The following KLHDC7A variants were observed in gnomAD, a reference collection of about 807,000 sequenced individuals.
KLHDC7A encodes the protein kelch domain-containing protein 7A.
For synonymous variants in KLHDC7A, 464 were observed against 461.0 expected (o/e 1.01, Z -0.08); for missense variants, 1,123 against 1,052.6 (o/e 1.07, Z -0.93).
Position 18,482,044 on chromosome 1 carries a change from C to T in KLHDC7A, c.1063C>T (p.Pro355Ser). 5 of 1,612,638 alleles carry T rather than the reference C, an allele frequency of 3.1e-6. No individual in the cohort carries two copies. Among genetic ancestry groups the T allele is most frequent in the Non-Finnish European group, 3.4e-6 (4 of 1,179,832 alleles). ...CGCCTCCCCGCAGACAGGGCCGTGG[C>T]CCTCCACCCGAGGCTTCAGCCGGAA... ...RAASPQTGPW[P>S]STRGFSRKES... is the part of the protein sequence containing the mutation. Residue 355 changes from proline to serine, a missense_variant, in exon 1 of 1, where the codon CCC (proline) becomes TCC (serine). Physicochemically the swap from Pro to Ser is moderately conservative, Grantham distance 74. Coordinates refer to ENST00000400664, the MANE Select transcript of KLHDC7A (RefSeq NM_152375.3).
In KLHDC7A at chr1:18,483,232, C is replaced by A. The variant is rs745924222; in HGVS notation, c.2251C>A (p.Arg751=). Residue 751 remains arginine (R), a synonymous_variant, in exon 1 of 1, where the codon CGG becomes AGG. Transcript: ENST00000400664. The part of the protein sequence containing the change: ...VSPRFVPKEL[R]SFPAPQGTLL... ...ACCCAGGTTTGTGCCCAAGGAGCTG[C>A]GGAGTTTCCCGGCCCCGCAGGGCAC... 6.2e-7 allele frequency: 1 copy of A among 1,613,980 alleles called. No homozygotes were observed. Among genetic ancestry groups the A allele is most frequent in the Admixed American group, 1.7e-5 (1 of 60,036 alleles).
chr1:18,483,922 C>A lies in KLHDC7A; in HGVS notation c.*607C>A. On this transcript the variant is annotated 3_prime_UTR_variant, in exon 1 of 1. Coordinates refer to ENST00000400664, the MANE Select transcript of KLHDC7A (RefSeq NM_152375.3). Reference sequence around the variant, plus strand: ...AAAAGTAGAACAGCTGAAGCTGGGGCCAGCCTAGGAGACTCTTGCTTGCGA... The same window carrying A: ...AAAAGTAGAACAGCTGAAGCTGGGGACAGCCTAGGAGACTCTTGCTTGCGA... 2 of 1,303,478 alleles carry A rather than the reference C, an allele frequency of 1.5e-6. No individual in the cohort carries two copies. Among genetic ancestry groups the A allele is most frequent in the South Asian group, 1.2e-5 (1 of 80,900 alleles). 80.7% of individuals were successfully genotyped at this position (1,303,478 alleles called of 1,614,324 possible).
rs1364577836 is a variant in KLHDC7A, at chr1:18,481,947, G to T, written c.966G>T (p.Pro322=). Residue 322 remains proline, a synonymous_variant, in exon 1 of 1, where the codon CCG becomes CCT. Transcript: ENST00000400664. ...CTGAGGTTCCATCCCCTAGGCCACC[G>T]CCAGGGTCCCTGGGAACAGGGGCTG... is the stretch of plus-strand genomic sequence containing the variant. ...ALTEVPSPRP[P]PGSLGTGAAS... 2 of 1,613,082 alleles carry T rather than the reference G, an allele frequency of 1.2e-6. No homozygotes were observed. Among genetic ancestry groups the T allele is most frequent in the Non-Finnish European group, 1.7e-6 (2 of 1,179,994 alleles).
Position 18,481,362 on chromosome 1 carries a change from C to G in KLHDC7A, c.381C>G (p.Gly127=), listed in dbSNP as rs1394705826. Residue 127 remains glycine (G), a synonymous_variant, in exon 1 of 1, where the codon GGC becomes GGG. Transcript: ENST00000400664. Reference sequence around the variant, plus strand: ...GAAAAGGCTCAGGTGAGGAGCGGGGCGGGCAGGGCTCGGACTCTGAGCAGG... The same window carrying G: ...GAAAAGGCTCAGGTGAGGAGCGGGGGGGGCAGGGCTCGGACTCTGAGCAGG... The part of the protein sequence containing the change: ...PQRKGSGEER[G]GQGSDSEQVP... 2 of 1,606,594 alleles carry G rather than the reference C, an allele frequency of 1.2e-6. No homozygotes were observed. The highest frequency in any genetic ancestry group is 2.7e-5 in the African/African-American group (2 of 74,812).
chr1:18,484,095 T>A lies in KLHDC7A; in HGVS notation c.*780T>A. The A allele has an allele frequency of 8.4e-7, 1 of 1,191,714 alleles. No homozygotes were observed. The highest frequency in any genetic ancestry group is 1.1e-6 in the Non-Finnish European group (1 of 886,602). 73.8% of individuals were successfully genotyped at this position (1,191,714 alleles called of 1,614,324 possible). A position where few individuals can be genotyped will look rare whatever the true frequency, so the allele number is the denominator to read the frequency against. ...AAACTATGTGATCCAAGGGCCACCC[T>A]GCTCCTCGGCCCTGCCCATGTTAAC... On this transcript the variant is annotated 3_prime_UTR_variant, in exon 1 of 1. Transcript: ENST00000400664.
In KLHDC7A at chr1:18,483,806, A is replaced by G; in HGVS notation, c.*491A>G. 1 of 1,216,482 alleles carries G rather than the reference A, an allele frequency of 8.2e-7. No homozygotes were observed. The highest frequency in any genetic ancestry group is 1.1e-6 in the Non-Finnish European group (1 of 950,010). The allele number at this position is 1,216,482 out of a possible 1,614,324, so 75.4% of individuals were successfully genotyped here. ...AGTTCCCAGAAGCACCGGGACACAC[A>G]GGTGGGAAAGATGGAGGCAGGTGAC... On this transcript the variant is annotated 3_prime_UTR_variant, in exon 1 of 1. Transcript: ENST00000400664.
rs755655439 is a variant in KLHDC7A at position 18,481,191 on chromosome 1, G to T, written c.210G>T (p.Glu70Asp). The T allele has an allele frequency of 6.9e-6, 11 of 1,600,668 alleles. No individual in the cohort carries two copies. Among genetic ancestry groups the T allele is most frequent in the Non-Finnish European group, 9.4e-6 (11 of 1,172,662 alleles). The change falls in exon 1 of 1, where the codon GAG (glutamate) becomes GAT (aspartate). Residue 70 changes from glutamate to aspartate, a missense_variant. Physicochemically the swap from Glu to Asp is conservative, Grantham distance 45 (BLOSUM62 2). Coordinates refer to ENST00000400664, the MANE Select transcript of KLHDC7A (RefSeq NM_152375.3). ...GCTCAGGGCAGCCTGCTGTACAGGA[G>T]GCTTCTCCTGGGGTGCTCCTGAGGG... ...AEGSGQPAVQ[E>D]ASPGVLLRGP...
chr1:18,483,851 A>G lies in KLHDC7A; in HGVS notation c.*536A>G. 3 of 1,254,104 alleles carry G rather than the reference A, an allele frequency of 2.4e-6. No individual in the cohort carries two copies. Among genetic ancestry groups the G allele is most frequent in the Non-Finnish European group, 3.1e-6 (3 of 966,448 alleles). 77.7% of individuals were successfully genotyped at this position (1,254,104 alleles called of 1,614,324 possible). The stretch of plus-strand genomic sequence containing the variant: ...GGTGACTTGGGCAGGGCCAGGAAGG[A>G]GCCGAGGGAGCCCCAGGGGCCCTGG... On this transcript the variant is annotated 3_prime_UTR_variant, in exon 1 of 1. Coordinates refer to ENST00000400664, the MANE Select transcript of KLHDC7A (RefSeq NM_152375.3).
rs777318640 is a variant in KLHDC7A, at chr1:18,482,832, G to T, written c.1851G>T (p.Pro617=). 1.2e-6 allele frequency: 2 copies of T among 1,610,810 alleles called. No individual in the cohort carries two copies. The highest frequency in any genetic ancestry group is 1.3e-5 in the African/African-American group (1 of 75,024). The change falls in exon 1 of 1, where the codon CCG becomes CCT. Residue 617 remains proline, a synonymous_variant. Transcript: ENST00000400664. ...TGGACCGCTGGGACTTTGCCCCGCC[G>T]CTCCCCAGTGACACGTTCGCCCTGG... is the stretch of plus-strand genomic sequence containing the variant. ...PRLDRWDFAP[P]LPSDTFALAH...
chr1:18,481,912 G>A lies in KLHDC7A; in HGVS notation c.931G>A (p.Ala311Thr), dbSNP rs755948390. 12 of 1,613,312 alleles carry A rather than the reference G, an allele frequency of 7.4e-6. No individual in the cohort carries two copies. In the East Asian group the frequency reaches 2.7e-4, roughly 36 times the overall value. The change falls in exon 1 of 1, where the codon GCA (alanine) becomes ACA (threonine). Residue 311 changes from alanine to threonine, a missense_variant. Coordinates refer to ENST00000400664, the MANE Select transcript of KLHDC7A (RefSeq NM_152375.3). Reference sequence around the variant, plus strand: ...CCAGGGCAGGCTGGCTCCCAGGACAGCAGCCCTGACTGAGGTTCCATCCCC... The same window carrying A: ...CCAGGGCAGGCTGGCTCCCAGGACAACAGCCCTGACTGAGGTTCCATCCCC... ...IFQGRLAPRT[A>T]ALTEVPSPRP...
rs758596215 is a variant in KLHDC7A at position 18,482,912 on chromosome 1, G to A, written c.1931G>A (p.Arg644His). ...ATCTTCGTCACCGGCGGCTCGCTGC[G>A]CTTCCTGCTGTTCCGCTTCTCTGCG... ...KEIFVTGGSL[R>H]FLLFRFSAQE... is the part of the protein sequence containing the mutation. The change falls in exon 1 of 1, where the codon CGC becomes CAC. Residue 644 changes from arginine to histidine, a missense_variant. Coordinates refer to ENST00000400664, the MANE Select transcript of KLHDC7A (RefSeq NM_152375.3). The A allele has an allele frequency of 1.1e-5, 18 of 1,610,194 alleles. No individual in the cohort carries two copies. The highest frequency in any genetic ancestry group is 9.9e-5 in the South Asian group (9 of 90,850).
Position 18,482,385 on chromosome 1 carries a change from C to T in KLHDC7A, c.1404C>T (p.Ser468=), listed in dbSNP as rs1297460241. Residue 468 remains serine, a synonymous_variant, in exon 1 of 1, where the codon AGC becomes AGT. Coordinates refer to ENST00000400664, the MANE Select transcript of KLHDC7A (RefSeq NM_152375.3). ...AAAACTACCTGCAGGTGCTGCGCAG[C>T]CCGGACATCTACGGGTGCCTGAGCG... The part of the protein sequence containing the change: ...MSENYLQVLR[S]PDIYGCLSGA... 1.9e-6 allele frequency: 3 copies of T among 1,605,230 alleles called. No individual in the cohort carries two copies. Among genetic ancestry groups the T allele is most frequent in the Non-Finnish European group, 1.7e-6 (2 of 1,179,960 alleles).
rs74056370 is a variant in KLHDC7A at position 18,482,425 on chromosome 1, C to G, written c.1444C>G (p.Leu482Val). The G allele has an allele frequency of 8.2e-5, 132 of 1,609,224 alleles. No homozygotes were observed. The African/African-American group carries it at 1.5e-3, about 18-fold the overall frequency. The change falls in exon 1 of 1, where the codon CTG (leucine) becomes GTG (valine). Residue 482 changes from leucine to valine, a missense_variant. By Grantham distance (32) the Leu-to-Val change is conservative (BLOSUM62 1). Coordinates refer to ENST00000400664, the MANE Select transcript of KLHDC7A (RefSeq NM_152375.3). ...YGCLSGAERE[L>V]ILQRRLRGRQ... ...GTGCCTGAGCGGGGCAGAGCGCGAG[C>G]TGATCCTGCAGCGCCGGCTCCGGGG...
In KLHDC7A at chr1:18,481,951, G is replaced by C. The variant is rs1213159347; in HGVS notation, c.970G>C (p.Gly324Arg). 6.2e-7 allele frequency: 1 copy of C among 1,613,084 alleles called. No individual in the cohort carries two copies. The highest frequency in any genetic ancestry group is 8.5e-7 in the Non-Finnish European group (1 of 1,179,996). Residue 324 changes from glycine (G) to arginine (R), a missense_variant, in exon 1 of 1, where the codon GGG becomes CGG. Transcript: ENST00000400664. ...TEVPSPRPPPGSLGTGAASGG... is the reference protein window; with the variant it reads ...TEVPSPRPPPRSLGTGAASGG... Reference sequence around the variant, plus strand: ...GGTTCCATCCCCTAGGCCACCGCCAGGGTCCCTGGGAACAGGGGCTGCCTC... The same window carrying C: ...GGTTCCATCCCCTAGGCCACCGCCACGGTCCCTGGGAACAGGGGCTGCCTC...
In KLHDC7A at chr1:18,482,024, C is replaced by A. The variant is rs747302190; in HGVS notation, c.1043C>A (p.Ser348Tyr). ...AAGGGTGCAGCCGAAAGAGCCGCCT[C>A]CCCGCAGACAGGGCCGTGGCCCTCC... is the stretch of plus-strand genomic sequence containing the variant. Reference protein sequence around the residue: ...DTKGAAERAASPQTGPWPSTR... With the variant: ...DTKGAAERAAYPQTGPWPSTR... Residue 348 changes from serine (S) to tyrosine (Y), a missense_variant, in exon 1 of 1, where the codon TCC (serine) becomes TAC (tyrosine). Ser to Tyr is a moderately radical substitution (Grantham distance 144). Transcript: ENST00000400664. The A allele has an allele frequency of 1.2e-6, 2 of 1,612,748 alleles. No homozygotes were observed. Among genetic ancestry groups the A allele is most frequent in the Admixed American group, 3.3e-5 (2 of 59,998 alleles).
chr1:18,481,249 G>A lies in KLHDC7A; in HGVS notation c.268G>A (p.Glu90Lys). Residue 90 changes from glutamate to lysine, a missense_variant, in exon 1 of 1, where the codon GAA becomes AAA. Physicochemically the swap from Glu to Lys is moderately conservative, Grantham distance 56. Coordinates refer to ENST00000400664, the MANE Select transcript of KLHDC7A (RefSeq NM_152375.3). ...PRRRRSSKRA[E>K]APQGCSCENP... The stretch of plus-strand genomic sequence containing the variant: ...ACGTCGGAGGAGCAGCAAGCGGGCT[G>A]AAGCACCACAGGGCTGCAGCTGTGA... The A allele has an allele frequency of 6.3e-7, 1 of 1,584,990 alleles. No individual in the cohort carries two copies.
Position 18,484,008 on chromosome 1 carries a change from G to A in KLHDC7A, c.*693G>A. ...ATTGGAAGAAAGAGAAGCAGCCATT[G>A]TACCAAGCTATCTTCTGGTGGAGGT... is the stretch of plus-strand genomic sequence containing the variant. On this transcript the variant is annotated 3_prime_UTR_variant, in exon 1 of 1. Coordinates refer to ENST00000400664, the MANE Select transcript of KLHDC7A (RefSeq NM_152375.3). 1 of 1,304,276 alleles carries A rather than the reference G, an allele frequency of 7.7e-7. No individual in the cohort carries two copies. 80.8% of individuals were successfully genotyped at this position (1,304,276 alleles called of 1,614,324 possible). A position where few individuals can be genotyped will look rare whatever the true frequency, so the allele number is the denominator to read the frequency against.
Position 18,484,352 on chromosome 1 carries a change from C to A in KLHDC7A, c.*1037C>A. On this transcript the variant is annotated 3_prime_UTR_variant, in exon 1 of 1. Coordinates refer to ENST00000400664, the MANE Select transcript of KLHDC7A (RefSeq NM_152375.3). ...CCTTTCACATCTGGTTTGATAAACT[C>A]CGAATGAAGGAGACCCCCAGCCTCA... 3.4e-6 allele frequency: 1 copy of A among 292,186 alleles called. No individual in the cohort carries two copies. Among genetic ancestry groups the A allele is most frequent in the Admixed American group, 4.6e-5 (1 of 21,964 alleles). 18.1% of individuals were successfully genotyped at this position (292,186 alleles called of 1,614,324 possible).
At position 18,482,383 on chromosome 1, in the gene KLHDC7A, A is replaced by C. The variant is rs550498964; in HGVS notation, c.1402A>C (p.Ser468Arg). ...CGAAAACTACCTGCAGGTGCTGCGCAGCCCGGACATCTACGGGTGCCTGAG... is the reference window on the plus strand; with the variant it reads ...CGAAAACTACCTGCAGGTGCTGCGCCGCCCGGACATCTACGGGTGCCTGAG... ...MSENYLQVLR[S>R]PDIYGCLSGA... is the part of the protein sequence containing the mutation. Residue 468 changes from serine to arginine, a missense_variant, in exon 1 of 1, where the codon AGC (serine) becomes CGC (arginine). Ser to Arg is a moderately radical substitution (Grantham distance 110, BLOSUM62 -1). Transcript: ENST00000400664. The C allele has an allele frequency of 5.6e-6, 9 of 1,605,208 alleles. No homozygotes were observed. The highest frequency in any genetic ancestry group is 5.5e-5 in the South Asian group (5 of 91,086).
Sources: gnomAD v4.1 joint callset for allele counts on GRCh38, gnomAD v4.1.1 for gene constraint, MANE v1.5 for transcripts, NCBI Gene and HGNC (gene_info 2026-07-23, HGNC 2026-07-21) for gene names.